Variants in RSF1 observed in about 807,000 individuals in gnomAD.
The protein encoded by RSF1 is remodeling and spacing factor 1.
RSF1 carries 13 observed loss-of-function variants against 145.2 expected under a neutral mutation model. The observed-to-expected ratio is 0.09, with a 90% CI of 0.06 to 0.14. The LOEUF (loss-of-function observed/expected upper bound fraction) is 0.14, where lower values mean the gene tolerates loss of function less well. RSF1 is among the 10% of genes least tolerant of loss of function. RSF1 has a pLI of 1.00. For missense variants in RSF1, 1,517 were observed against 1,718.2 expected (o/e 0.88, Z 2.07); for synonymous variants, 577 against 592.6 (o/e 0.97, Z 0.38).
chr11:77,853,609 C>T, the RSF1 span, among the ~76,000 whole-genome samples: 1 of 152,272 alleles, frequency 6.6e-6, no homozygotes, highest in South Asian at 2.1e-4. Context: ...TATCATTCTG[C>T]ATCTGGCCCC....
chr11:77,789,272 C>T (rs922214246), intron 1 of RSF1, among the ~76,000 whole-genome samples: 5 of 152,150 alleles, frequency 3.3e-5, no homozygotes, highest in African/African-American at 7.2e-5. Flanking sequence ...AGGAAGCTGT[C>T]GGGAGATTGT....
chr11:77,808,142 T>C (rs1176183790), intron 1 of RSF1, among the ~76,000 whole-genome samples: 1 of 151,946 alleles, frequency 6.6e-6, no homozygotes, highest in African/African-American at 2.4e-5. Flanking sequence ...AAGACCAGCC[T>C]GGACAACATG....
rs945009272 is a variant in RSF1 at position 77,709,394 on chromosome 11, A to G, written c.734-6899T>C. On this transcript the variant is annotated intron_variant, in intron 5 of 15. Coordinates refer to ENST00000308488, the MANE Select transcript of RSF1 (RefSeq NM_016578.4). ...GCTTTTGTTCACGGCTACATTCACA[A>G]TACTGAAGATAGTGCATGACAAACT... 2.0e-5 allele frequency among the ~76,000 whole-genome samples: 3 copies of G among 152,238 alleles called. No individual in the cohort carries two copies. In the South Asian group the frequency reaches 6.2e-4, roughly 31 times the overall value.
the RSF1 span, among the ~76,000 whole-genome samples, chr11:77,862,306 G>A: frequency 6.6e-6 from 1 of 152,302 alleles, no homozygotes; most frequent in South Asian, 2.1e-4. Flanking sequence ...TTTGGCGTTA[G>A]TGTCTGATTT....
intron 15 of RSF1, among the ~76,000 whole-genome samples, chr11:77,668,421 T>A (rs1959429082): frequency 6.6e-6 from 1 of 152,236 alleles, no homozygotes; most frequent in Non-Finnish European, 1.5e-5. Context: ...GTCAACACGC[T>A]GATAAGGAAA....
chr11:77,830,987 C>CAAAAAAAAAAAAAAAAAA, the RSF1 span, among the ~76,000 whole-genome samples: 1 of 100,514 alleles, frequency 9.9e-6, no homozygotes, highest in Non-Finnish European at 2.0e-5. Context: ...CAAAATATAC[C>CAAAAAAAAAAAAAAAAAA]AAAAAAAAAA....
intron 15 of RSF1, 52 bp downstream of exon 15, chr11:77,671,990 A>G (rs769845736): frequency 2.0e-5 from 28 of 1,430,294 alleles, no homozygotes; most frequent in Non-Finnish European, 2.3e-5. Flanking sequence ...TCACTTTATA[A>G]TGTCTATTTT....
intron 14 of RSF1, among the ~76,000 whole-genome samples, chr11:77,673,868 G>A (rs1402873101): frequency 1.3e-5 from 2 of 151,998 alleles, no homozygotes; most frequent in Non-Finnish European, 2.9e-5. Context: ...AAAACAACTA[G>A]TATGTACTCT....
At chr11:77,794,796 G>A (rs1255795791) in intron 1 of RSF1, among the ~76,000 whole-genome samples, 1 of 152,064 alleles carries the variant, frequency 6.6e-6, no homozygotes, top group African/African-American at 2.4e-5. Flanking sequence ...AAACAAGAAA[G>A]ACAAGGATGA....
At chr11:77,734,567 T>C in intron 4 of RSF1, 1 of 1,543,370 alleles carries the variant, frequency 6.5e-7, no homozygotes. Context: ...TGCAAGTTGG[T>C]CACATGGTCA....
At chr11:77,683,951 C>CA in intron 10 of RSF1, 132 bp from the exon 11 acceptor site, 1 of 605,042 alleles carries the variant, frequency 1.7e-6, no homozygotes, top group Non-Finnish European at 2.9e-6. Context: ...TGATCCCCTC[C>CA]AAAAGTGAAT....
intron 1 of RSF1, among the ~76,000 whole-genome samples, chr11:77,816,228 C>A (rs1260304613): frequency 6.6e-6 from 1 of 152,192 alleles, no homozygotes; most frequent in East Asian, 1.9e-4. Context: ...CAGTGTCTAC[C>A]ACTGTAGACT....
chr11:77,734,929 T>C (rs1429410904), intron 4 of RSF1: 7 of 1,589,922 alleles, frequency 4.4e-6, no homozygotes, highest in Non-Finnish European at 6.0e-6. Context: ...CAGGTAAACG[T>C]AGGAGGCACA....
At chr11:77,862,990 C>CG in the RSF1 span, among the ~76,000 whole-genome samples, 2 of 151,974 alleles carry the variant, frequency 1.3e-5, no homozygotes, top group African/African-American at 4.8e-5. Flanking sequence ...CAAATGTTAC[C>CG]GGGGGGTCCT....
chr11:77,842,378 C>A, the RSF1 span: 1 of 1,117,040 alleles, frequency 9.0e-7, no homozygotes, highest in Non-Finnish European at 1.3e-6. Flanking sequence ...TGAAAAGATG[C>A]TTCTTAAATC....
chr11:77,678,118 A>G lies in RSF1; in HGVS notation c.3101T>C (p.Ile1034Thr). 1.2e-6 allele frequency: 2 copies of G among 1,612,136 alleles called. No homozygotes were observed. Residue 1034 changes from isoleucine (I) to threonine (T), a missense_variant, in exon 12 of 16, where the codon ATT becomes ACT. Around this residue, in one of 12 missense-constraint regions of RSF1, gnomAD observed 231 missense variants for 276.6 expected, o/e 0.84. Coordinates refer to ENST00000308488, the MANE Select transcript of RSF1 (RefSeq NM_016578.4). ...DEFDEAIDEA[I>T]EDDIKEADGG... is the part of the protein sequence containing the mutation. ...ATCGGCTTCTTTGATGTCATCTTCA[A>G]TAGCTTCATCAATTGCTTCATCAAA...
In RSF1 at chr11:77,660,018, A is replaced by T. The variant is rs901645757; in HGVS notation, c.*6899T>A. 5 of 152,228 alleles carry T rather than the reference A, an allele frequency of 3.3e-5. No individual in the cohort carries two copies. The highest frequency in any genetic ancestry group is 1.2e-4 in the African/African-American group (5 of 41,468). 9.4% of individuals were successfully genotyped at this position (152,228 alleles called of 1,614,324 possible). Reference sequence around the variant, plus strand: ...ACATCATGCTAAATAATTCAAATTTAAATTTTTATTATGACAATTGACATA... The same window carrying T: ...ACATCATGCTAAATAATTCAAATTTTAATTTTTATTATGACAATTGACATA... On this transcript the variant is annotated 3_prime_UTR_variant, in exon 16 of 16. Coordinates refer to ENST00000308488, the MANE Select transcript of RSF1 (RefSeq NM_016578.4).
chr11:77,812,437 T>C (rs1050349048), intron 1 of RSF1, among the ~76,000 whole-genome samples: 1 of 152,164 alleles, frequency 6.6e-6, no homozygotes, highest in Non-Finnish European at 1.5e-5. Context: ...AGACTCAACC[T>C]CCACTACGAA....
chr11:77,834,305 A>C, the RSF1 span, among the ~76,000 whole-genome samples: 1 of 152,238 alleles, frequency 6.6e-6, no homozygotes, highest in South Asian at 2.1e-4. Context: ...AAATTAGAAG[A>C]TGCAAAGTTT....
Sources: gnomAD v4.1 joint callset for allele counts (sites outside exome capture counted in the v4.1 genomes callset) on GRCh38, gnomAD v4.1.1 for gene constraint, gnomAD v4.1.1 regional missense constraint, MANE v1.5 for transcripts, NCBI Gene and HGNC (gene_info 2026-07-23, HGNC 2026-07-21) for gene names.